RIMKLB: variants seen among roughly 807,000 people sequenced by gnomAD.
RIMKLB encodes the protein beta-citrylglutamate synthase B.
A neutral mutation model predicts 32.0 loss-of-function variants in RIMKLB; 7 were observed. That is an observed-to-expected ratio of 0.22 (90% CI 0.12 to 0.41). The LOEUF (loss-of-function observed/expected upper bound fraction) is 0.41, where lower values mean the gene tolerates loss of function less well. Ranked by LOEUF, RIMKLB falls within the 10% of genes least tolerant of loss-of-function variation. The probability of loss-of-function intolerance (pLI) is 1.00; values close to 1 mark genes in which losing one functional copy is unlikely to be tolerated. For missense variants in RIMKLB, 289 were observed against 498.7 expected, an observed-to-expected ratio of 0.58 and a Z score of 4.00; for synonymous variants, 172 against 185.1, an observed-to-expected ratio of 0.93 and a Z score of 0.57.
At chr12:8,714,149 A>T in intron 2 of RIMKLB, 108 bp downstream of exon 2, 1 of 799,156 alleles carries the variant, frequency 1.3e-6, no homozygotes, top group Non-Finnish European at 2.0e-6. Flanking sequence ...GTCATTACTA[A>T]GTATCTTCTA....
upstream of RIMKLB, among the ~76,000 whole-genome samples, chr12:8,693,067 C>T (rs185740891): frequency 2.6e-5 from 4 of 152,308 alleles, no homozygotes; most frequent in East Asian, 1.9e-4. Flanking sequence ...ATCAAATCCC[C>T]GCTAGTTTCC....
intron 2 of RIMKLB, among the ~76,000 whole-genome samples, chr12:8,731,509 T>A (rs1179768018): frequency 1.3e-5 from 2 of 152,070 alleles, no homozygotes; most frequent in Non-Finnish European, 2.9e-5. Context: ...TGGAATTTCC[T>A]ATTCCACCAC....
In RIMKLB at chr12:8,725,046, A is replaced by G. The variant is rs765001102; in HGVS notation, c.175+11005A>G. On this transcript the variant is annotated intron_variant, in intron 2 of 5. Transcript: ENST00000535829. ...GCTCTGATAAATGTATTTTTGTGGT[A>G]GTTGTTTAAACTGTTGTTTCTGTGA... 9.9e-5 allele frequency among the ~76,000 whole-genome samples: 15 copies of G among 152,218 alleles called. No homozygotes were observed. The East Asian group carries it at 1.7e-3, about 18-fold the overall frequency.
intron 1 of RIMKLB, among the ~76,000 whole-genome samples, chr12:8,684,566 G>A (rs930593411): frequency 2.6e-5 from 4 of 152,172 alleles, no homozygotes; most frequent in Non-Finnish European, 4.4e-5. Context: ...TGTGAAGTGT[G>A]TAAGGTCTGT....
intron 2 of RIMKLB, among the ~76,000 whole-genome samples, chr12:8,722,186 A>C (rs1308067418): frequency 6.6e-6 from 1 of 151,174 alleles, no homozygotes; most frequent in Non-Finnish European, 1.5e-5. Flanking sequence ...TTGAAAGTAG[A>C]AATTACTCCT....
upstream of RIMKLB, among the ~76,000 whole-genome samples, chr12:8,692,522 A>G (rs2136581476): frequency 1.1e-5 from 1 of 90,852 alleles, no homozygotes. Flanking sequence ...GTGGTAGAGG[A>G]AAAAAAAATC....
rs776700181 is a variant in RIMKLB, at chr12:8,773,682, C to T, written c.1059C>T (p.Ser353=). 1.2e-5 allele frequency: 19 copies of T among 1,614,100 alleles called. No homozygotes were observed. The highest frequency in any genetic ancestry group is 2.2e-5 in the East Asian group (1 of 44,904). ...GTGCAAGTTCCAGCTCTGTTGACAGCGACCCTGAAAGCACGGAGCGAGAGC... is the reference window on the plus strand; with the variant it reads ...GTGCAAGTTCCAGCTCTGTTGACAGTGACCCTGAAAGCACGGAGCGAGAGC... ...NMSASSSSVD[S]DPESTERELL... Residue 353 remains serine, a synonymous_variant, in exon 6 of 6, where the codon AGC becomes AGT. Transcript: ENST00000535829.
intron 1 of RIMKLB, among the ~76,000 whole-genome samples, chr12:8,682,879 G>A (rs1942457464): frequency 6.7e-6 from 1 of 149,382 alleles, no homozygotes; most frequent in Non-Finnish European, 1.5e-5. Flanking sequence ...CAGGTGATCC[G>A]CCGGCCTCAG....
intron 2 of RIMKLB, among the ~76,000 whole-genome samples, chr12:8,725,012 G>A (rs1004727852): frequency 1.3e-5 from 2 of 152,062 alleles, no homozygotes; most frequent in South Asian, 4.1e-4. Flanking sequence ...TTTCTCAGTC[G>A]ATTTTTTAGC....
At chr12:8,737,537 G>C (rs1318654317) in intron 2 of RIMKLB, among the ~76,000 whole-genome samples, 1 of 152,098 alleles carries the variant, frequency 6.6e-6, no homozygotes, top group Non-Finnish European at 1.5e-5. Flanking sequence ...TATGTGGGGA[G>C]ATTGAGACTG....
chr12:8,697,845 C>T (rs868428820), upstream of RIMKLB: 1 of 146,592 alleles, frequency 6.8e-6, no homozygotes, highest in Non-Finnish European at 1.5e-5. Context: ...CCGCCGCCCC[C>T]CGCCCGCCGC....
intron 3 of RIMKLB, 57 bp downstream of exon 3, chr12:8,750,149 G>T (rs1948493686): frequency 2.7e-6 from 3 of 1,107,906 alleles, no homozygotes; most frequent in Non-Finnish European, 4.1e-6. Context: ...AGTTTTAATA[G>T]GATAAATTTA....
At chr12:8,734,293 C>A (rs1326192872) in intron 2 of RIMKLB, among the ~76,000 whole-genome samples, 3 of 152,130 alleles carry the variant, frequency 2.0e-5, no homozygotes, top group Admixed American at 6.5e-5. Flanking sequence ...ACTAGGGGAG[C>A]AGTTCAAAGC....
intron 2 of RIMKLB, among the ~76,000 whole-genome samples, chr12:8,739,578 C>G (rs1453703850): frequency 1.3e-5 from 2 of 152,214 alleles, no homozygotes; most frequent in Non-Finnish European, 2.9e-5. Flanking sequence ...GCAAGCTATC[C>G]TACTGCTTCA....
upstream of RIMKLB, among the ~76,000 whole-genome samples, chr12:8,676,828 A>G (rs73245500): frequency 0.012 from 1,896 of 152,196 alleles, 35 homozygotes; most frequent in African/African-American, 0.042. Flanking sequence ...ATTACAGGAA[A>G]CCGACTCAGG....
At chr12:8,695,925 T>G (rs1487278732), upstream of RIMKLB, among the ~76,000 whole-genome samples, 1 of 152,180 alleles carries the variant, frequency 6.6e-6, no homozygotes, top group Non-Finnish European at 1.5e-5. Context: ...ACTCCCGACC[T>G]CAGGTGATTC....
At chr12:8,683,169 C>T (rs975087379) in intron 1 of RIMKLB, among the ~76,000 whole-genome samples, 3 of 152,146 alleles carry the variant, frequency 2.0e-5, no homozygotes, top group East Asian at 1.9e-4. Context: ...TACTGAAGGA[C>T]GTCTTGATTG....
chr12:8,670,534 G>A, the RIMKLB span, among the ~76,000 whole-genome samples: 3 of 152,224 alleles, frequency 2.0e-5, no homozygotes, highest in African/African-American at 7.2e-5. Flanking sequence ...TACAAGAGGT[G>A]GGTTCCCATG....
At chr12:8,740,497 A>G (rs1328223632) in intron 2 of RIMKLB, among the ~76,000 whole-genome samples, 3 of 150,696 alleles carry the variant, frequency 2.0e-5, no homozygotes, top group Non-Finnish European at 4.4e-5. Flanking sequence ...ACCCCCTCCC[A>G]CTCTTCTCCC....
Sources: gnomAD v4.1 joint callset for allele counts (sites outside exome capture counted in the v4.1 genomes callset) on GRCh38, gnomAD v4.1.1 for gene constraint, MANE v1.5 for transcripts, NCBI Gene and HGNC (gene_info 2026-07-23, HGNC 2026-07-21) for gene names.